CIMAP2: variants seen among roughly 807,000 people sequenced by gnomAD.
The protein encoded by CIMAP2 is ciliary microtubule-associated protein 2.
chr1:54,828,159 C>A, the CIMAP2 span, among the ~76,000 whole-genome samples: 1 of 152,110 alleles, frequency 6.6e-6, no homozygotes, highest in African/African-American at 2.4e-5. Context: ...AACATTATTA[C>A]AATTGATAAT....
the CIMAP2 span, chr1:54,814,802 C>T: frequency 5.1e-5 from 76 of 1,487,570 alleles, no homozygotes; most frequent in Middle Eastern, 4.9e-4. Context: ...TGGCTCAAGA[C>T]CCAGGGCTGC....
the CIMAP2 span, among the ~76,000 whole-genome samples, chr1:54,817,307 G>C: frequency 6.6e-6 from 1 of 152,342 alleles, no homozygotes; most frequent in African/African-American, 2.4e-5. Context: ...CTTACTGTAA[G>C]TGTGAGGTGG....
chr1:54,841,029 G>C, the CIMAP2 span, among the ~76,000 whole-genome samples: 1 of 152,210 alleles, frequency 6.6e-6, no homozygotes, highest in Non-Finnish European at 1.5e-5. Flanking sequence ...GCTGGGCCAG[G>C]GGCCGTGGGC....
At chr1:54,807,676 G>A in the CIMAP2 span, 1 of 1,599,656 alleles carries the variant, frequency 6.3e-7, no homozygotes, top group East Asian at 2.2e-5. Context: ...CATCATGAAA[G>A]AGAAGCGGCT....
At chr1:54,841,706 C>T in the CIMAP2 span, 2 of 1,591,896 alleles carry the variant, frequency 1.3e-6, no homozygotes, top group Admixed American at 1.7e-5. Context: ...CCAACAGGTA[C>T]CTGTTCATTC....
the CIMAP2 span, among the ~76,000 whole-genome samples, chr1:54,807,338 A>G: frequency 6.6e-6 from 1 of 152,116 alleles, no homozygotes; most frequent in African/African-American, 2.4e-5. Context: ...GGGGGCAGTG[A>G]TAGAGGATGT....
chr1:54,807,789 T>C, the CIMAP2 span: 2 of 1,510,588 alleles, frequency 1.3e-6, no homozygotes, highest in Admixed American at 4.5e-5. Flanking sequence ...CAAGGCCAGA[T>C]GGAGATTATC....
chr1:54,830,789 C>T, the CIMAP2 span, among the ~76,000 whole-genome samples: 1 of 152,168 alleles, frequency 6.6e-6, no homozygotes, highest in Non-Finnish European at 1.5e-5. This position sits in a 1 kb window ranked among gnomAD's most constrained non-coding sequence, Gnocchi z 4.1. Context: ...CTTTTGGAGT[C>T]GGGGGATTCT....
At chr1:54,823,542 G>T in the CIMAP2 span, among the ~76,000 whole-genome samples, 1 of 152,066 alleles carries the variant, frequency 6.6e-6, no homozygotes, top group Non-Finnish European at 1.5e-5. Context: ...TCTTTTAATT[G>T]GGAAATTTAA....
At chr1:54,806,152 C>G in the CIMAP2 span, 8,569 of 1,549,952 alleles carry the variant, frequency 5.5e-3, 25 homozygotes, top group Non-Finnish European at 6.8e-3. Flanking sequence ...GAGCTCATGG[C>G]TGGAACCGCG....
At chr1:54,806,316 C>G in the CIMAP2 span, 3 of 1,242,400 alleles carry the variant, frequency 2.4e-6, no homozygotes, top group Non-Finnish European at 3.2e-6. Context: ...AGGGTGTCCA[C>G]CTACACACAG....
the CIMAP2 span, chr1:54,806,326 G>A: frequency 2.6e-6 from 3 of 1,170,514 alleles, no homozygotes; most frequent in East Asian, 9.3e-5. Context: ...CCTACACACA[G>A]GGCTGAGCCT....
the CIMAP2 span, among the ~76,000 whole-genome samples, chr1:54,836,800 G>T: frequency 1.3e-5 from 2 of 152,018 alleles, no homozygotes; most frequent in Non-Finnish European, 2.9e-5. Flanking sequence ...CCTGATCAGG[G>T]ATGGCCGAGC....
At chr1:54,835,708 G>C in the CIMAP2 span, among the ~76,000 whole-genome samples, 1 of 152,132 alleles carries the variant, frequency 6.6e-6, no homozygotes, top group Admixed American at 6.5e-5. Context: ...CTGCAGAAGA[G>C]AATCAGACAG....
At chr1:54,820,994 C>T in the CIMAP2 span, among the ~76,000 whole-genome samples, 1 of 152,102 alleles carries the variant, frequency 6.6e-6, no homozygotes, top group Non-Finnish European at 1.5e-5. Context: ...GTCTTGAACT[C>T]CTGACCTCAG....
At chr1:54,811,765 G>GCCGGGGGGGGGGGGGGGGCCCCCCCCCCC in the CIMAP2 span, 7 of 1,301,306 alleles carry the variant, frequency 5.4e-6, no homozygotes, top group East Asian at 5.0e-5. Context: ...GGTTCTGACA[G>GCCGGGGGGGGGGGGGGGGCCCCCCCCCCC]CCTCCATGCC....
the CIMAP2 span, among the ~76,000 whole-genome samples, chr1:54,822,559 T>C: frequency 9.2e-5 from 14 of 152,216 alleles, no homozygotes; most frequent in African/African-American, 3.4e-4. Context: ...TATATTCTTC[T>C]TCCCTGTTAG....
At chr1:54,813,649 T>C in the CIMAP2 span, among the ~76,000 whole-genome samples, 1 of 136,086 alleles carries the variant, frequency 7.3e-6, no homozygotes, top group Non-Finnish European at 1.6e-5. Context: ...CACCAGCCCT[T>C]GTCAGGGGGG....
the CIMAP2 span, among the ~76,000 whole-genome samples, chr1:54,841,272 G>C: frequency 6.6e-6 from 1 of 152,240 alleles, no homozygotes; most frequent in African/African-American, 2.4e-5. Flanking sequence ...GTAAGGGCTG[G>C]CAGATGCTGT....
Sources: gnomAD v4.1 joint callset for allele counts (sites outside exome capture counted in the v4.1 genomes callset) on GRCh38, gnomAD v4.1.1 for gene constraint, Gnocchi (gnomAD v3.1) non-coding constraint, MANE v1.5 for transcripts, NCBI Gene and HGNC (gene_info 2026-07-23, HGNC 2026-07-21) for gene names.